The following ZNF827 variants were observed in gnomAD, a reference collection of about 807,000 sequenced individuals.
ZNF827 encodes the protein zinc finger protein 827.
In ZNF827, 13 loss-of-function variants were observed where a neutral mutation model predicts 102.4. The observed-to-expected ratio is 0.13, with a 90% confidence interval of 0.08 to 0.20. The LOEUF (loss-of-function observed/expected upper bound fraction) is 0.20, where lower values mean the gene tolerates loss of function less well. ZNF827 is among the 10% of genes least tolerant of loss of function. The probability of loss-of-function intolerance (pLI) is 1.00; values close to 1 mark genes in which losing one functional copy is unlikely to be tolerated. For synonymous variants in ZNF827, 523 were observed against 536.2 expected (o/e 0.98, Z 0.34); for missense variants, 1,103 against 1,344.4 (o/e 0.82, Z 2.81).
chr4:145,768,892 T>A (rs28408804), intron 11 of ZNF827, among the ~76,000 whole-genome samples: 158 of 7,270 alleles, frequency 0.022, 2 homozygotes, highest in Non-Finnish European at 0.029. Context: ...AAAAAAAAAA[T>A]ATATATATAT....
intron 1 of ZNF827, among the ~76,000 whole-genome samples, chr4:145,911,250 T>C (rs767303008): frequency 6.6e-6 from 1 of 152,194 alleles, no homozygotes; most frequent in Non-Finnish European, 1.5e-5. Flanking sequence ...AAGCCCCAAC[T>C]TTCTTTGAGT....
chr4:145,916,139 G>A (rs1262230228), intron 1 of ZNF827, among the ~76,000 whole-genome samples: 5 of 152,204 alleles, frequency 3.3e-5, no homozygotes, highest in Non-Finnish European at 7.3e-5. Context: ...GCCTGAAGCT[G>A]CATGCTCCCC....
intron 3 of ZNF827, among the ~76,000 whole-genome samples, 161 bp downstream of exon 3, chr4:145,892,082 A>G (rs1750650104): frequency 6.6e-6 from 1 of 152,150 alleles, no homozygotes; most frequent in African/African-American, 2.4e-5. Context: ...GGACATTAAC[A>G]CCTTTCTGTT....
At chr4:145,800,607 A>G (rs1020466665) in intron 8 of ZNF827, among the ~76,000 whole-genome samples, 4 of 152,158 alleles carry the variant, frequency 2.6e-5, no homozygotes, top group African/African-American at 7.2e-5. Context: ...TAGTTTTAAC[A>G]TGCCCTTTAT....
intron 1 of ZNF827, chr4:145,906,982 A>G: frequency 2.3e-6 from 1 of 437,398 alleles, no homozygotes; most frequent in South Asian, 1.7e-5. Context: ...AAGTTACCAT[A>G]TAATTTTAAT....
At position 145,886,140 on chromosome 4, in the gene ZNF827, G is replaced by A. The variant is rs1475167779; in HGVS notation, c.1285C>T (p.Arg429Trp). ...SHMKVHQHQD[R>W]GETFQCQLCP... The stretch of plus-strand genomic sequence containing the variant: ...AGCTGGCACTGAAAGGTCTCTCCCC[G>A]ATCCTGGTGCTGATGAACCTGACGG... The change falls in exon 4 of 15, where the codon CGG becomes TGG. Residue 429 changes from arginine (R) to tryptophan (W), a missense_variant. By Grantham distance (101) the Arg-to-Trp change is moderately radical (BLOSUM62 -3). Around this residue, in one of 5 missense-constraint regions of ZNF827, gnomAD observed 157 missense variants for 211.7 expected, o/e 0.74. Coordinates refer to ENST00000508784, the MANE Select transcript of ZNF827 (RefSeq NM_001306215.2). 2 of 1,601,602 alleles carry A rather than the reference G, an allele frequency of 1.2e-6. No homozygotes were observed. Among genetic ancestry groups the A allele is most frequent in the South Asian group, 1.1e-5 (1 of 88,338 alleles).
At chr4:145,895,235 G>C (rs1489035343) in intron 2 of ZNF827, among the ~76,000 whole-genome samples, 1 of 152,144 alleles carries the variant, frequency 6.6e-6, no homozygotes, top group Non-Finnish European at 1.5e-5. Flanking sequence ...GAACACTGCC[G>C]TCTTCCCCTC....
chr4:145,861,216 G>A (rs1016674868), intron 5 of ZNF827, among the ~76,000 whole-genome samples: 41 of 152,160 alleles, frequency 2.7e-4, no homozygotes, highest in African/African-American at 9.9e-4. Context: ...ATATGGTGAT[G>A]AGAAGAAAAA....
intron 8 of ZNF827, among the ~76,000 whole-genome samples, chr4:145,814,769 C>CAAAAAAAA (rs773438540): frequency 6.2e-4 from 46 of 74,316 alleles, no homozygotes; most frequent in African/African-American, 1.9e-3. Context: ...ACTAAAAATA[C>CAAAAAAAA]AAAAAAAAAA....
chr4:145,938,093 G>GA (rs904079748), intron 1 of ZNF827, among the ~76,000 whole-genome samples: 3 of 141,902 alleles, frequency 2.1e-5, no homozygotes, highest in South Asian at 2.7e-4. Context: ...GAGGGAAAGG[G>GA]AAAAAAAAGC....
chr4:145,878,592 C>CAGGAA (rs1561031395), intron 4 of ZNF827, among the ~76,000 whole-genome samples: 22 of 120,162 alleles, frequency 1.8e-4, no homozygotes, highest in East Asian at 5.2e-4. Context: ...CAGGACAGGA[C>CAGGAA]AGGACAGGAC....
chr4:145,770,903 A>G (rs1736183704), intron 11 of ZNF827: 3 of 152,292 alleles, frequency 2.0e-5, no homozygotes, highest in Non-Finnish European at 2.9e-5. Flanking sequence ...GAGTTTTACA[A>G]CTCCGCAGGG....
chr4:145,910,804 CT>C (rs1202910584), intron 1 of ZNF827, among the ~76,000 whole-genome samples: 1 of 152,216 alleles, frequency 6.6e-6, no homozygotes, highest in African/African-American at 2.4e-5. Flanking sequence ...AAATAAGCTC[CT>C]GCCTCAGGGC....
intron 7 of ZNF827, among the ~76,000 whole-genome samples, chr4:145,829,834 G>C (rs1293162966): frequency 6.6e-6 from 1 of 152,102 alleles, no homozygotes; most frequent in Non-Finnish European, 1.5e-5. Flanking sequence ...GGTTTTCCAT[G>C]TTGATACATC....
At chr4:145,778,451 T>A (rs898513209) in intron 9 of ZNF827, among the ~76,000 whole-genome samples, 16 of 152,140 alleles carry the variant, frequency 1.1e-4, no homozygotes, top group African/African-American at 3.1e-4. Flanking sequence ...CCTTTTTTTT[T>A]TAAAAAAGTT....
chr4:145,934,710 T>C (rs1379320682), intron 1 of ZNF827, among the ~76,000 whole-genome samples: 1 of 152,144 alleles, frequency 6.6e-6, no homozygotes, highest in East Asian at 1.9e-4. Flanking sequence ...ACTTTGGGCT[T>C]TGTAGATCCA....
intron 8 of ZNF827, among the ~76,000 whole-genome samples, chr4:145,780,988 A>T (rs1737893811): frequency 6.6e-6 from 1 of 152,196 alleles, no homozygotes; most frequent in Non-Finnish European, 1.5e-5. Context: ...CAAGGTCAGA[A>T]GATCGAGACC....
At chr4:145,896,907 T>A (rs147321386) in intron 2 of ZNF827, among the ~76,000 whole-genome samples, 1 of 152,202 alleles carries the variant, frequency 6.6e-6, no homozygotes, top group African/African-American at 2.4e-5. Flanking sequence ...GGAGGTTTGA[T>A]AGTGAATTTT....
At chr4:145,871,105 C>CT (rs34066811) in intron 4 of ZNF827, among the ~76,000 whole-genome samples, 65 of 145,966 alleles carry the variant, frequency 4.5e-4, no homozygotes, top group East Asian at 1.4e-3. Flanking sequence ...CCAAAATGGC[C>CT]TTTTTTTTTT....
Sources: gnomAD v4.1 joint callset for allele counts (sites outside exome capture counted in the v4.1 genomes callset) on GRCh38, gnomAD v4.1.1 for gene constraint, gnomAD v4.1.1 regional missense constraint, MANE v1.5 for transcripts, NCBI Gene and HGNC (gene_info 2026-07-23, HGNC 2026-07-21) for gene names.